Variants in UBA2 observed in about 807,000 individuals in gnomAD.
UBA2 encodes the protein SUMO-activating enzyme subunit 2.
Under a neutral mutation model 77.2 loss-of-function variants are expected in UBA2, and 11 were observed. The observed-to-expected ratio is 0.14, with a 90% CI of 0.09 to 0.24. The LOEUF (loss-of-function observed/expected upper bound fraction) is 0.24, where lower values mean the gene tolerates loss of function less well. Among genes scored for constraint, UBA2 ranks in the 10% least tolerant of loss-of-function variants. The pLI, the probability that UBA2 is intolerant of heterozygous loss-of-function variation, is 1.00. For missense variants in UBA2, 487 were observed against 781.7 expected (o/e 0.62, Z 4.50); for synonymous variants, 278 against 276.7 (o/e 1.00, Z -0.05).
chr19:34,436,131 A>C (rs1278791375), intron 5 of UBA2, among the ~76,000 whole-genome samples: 2 of 145,230 alleles, frequency 1.4e-5, no homozygotes, highest in Non-Finnish European at 3.1e-5. Flanking sequence ...AAAAAAAAAA[A>C]CCAAAAAATT....
chr19:34,436,886 G>T (rs575102584), intron 5 of UBA2, among the ~76,000 whole-genome samples: 14 of 152,264 alleles, frequency 9.2e-5, no homozygotes, highest in African/African-American at 3.4e-4. Flanking sequence ...GTGTATGTCA[G>T]TGCGTATTAA....
chr19:34,432,703 G>A (rs2075269002), intron 3 of UBA2, among the ~76,000 whole-genome samples: 1 of 152,064 alleles, frequency 6.6e-6, no homozygotes, highest in Non-Finnish European at 1.5e-5. Flanking sequence ...GATTACAGGC[G>A]CACGCCACCA....
At chr19:34,434,367 C>A (rs2075287446) in intron 4 of UBA2, among the ~76,000 whole-genome samples, 1 of 152,208 alleles carries the variant, frequency 6.6e-6, no homozygotes, top group Non-Finnish European at 1.5e-5. Context: ...CCTCCCACCT[C>A]AGCCTCCCAG....
rs2075717738 is a variant in UBA2 at position 34,469,312 on chromosome 19, T to C, written c.*91T>C. The C allele has an allele frequency of 8.3e-6, 10 of 1,209,944 alleles. 1 individual carries two copies. The South Asian group carries it at 1.9e-4, about 23-fold the overall frequency. The allele number at this position is 1,209,944 out of a possible 1,614,324, so 75.0% of individuals were successfully genotyped here. ...GTCCTTTGTTCCAAAGGGAAAAAAT[T>C]GACAGCAGTGACTTGAAAATGATTC... On this transcript the variant is annotated 3_prime_UTR_variant, in exon 17 of 17. Coordinates refer to ENST00000246548, the MANE Select transcript of UBA2 (RefSeq NM_005499.3).
intron 8 of UBA2, among the ~76,000 whole-genome samples, chr19:34,446,541 C>G (rs1489515906): frequency 6.6e-6 from 1 of 151,876 alleles, no homozygotes; most frequent in Non-Finnish European, 1.5e-5. Flanking sequence ...ACATACTGCT[C>G]TCCCCAGCTT....
chr19:34,444,232 A>G (rs910677571), intron 7 of UBA2, among the ~76,000 whole-genome samples: 4 of 151,618 alleles, frequency 2.6e-5, no homozygotes, highest in African/African-American at 7.3e-5. Flanking sequence ...TAATTTTTGT[A>G]TATTTAGTAG....
intron 6 of UBA2, among the ~76,000 whole-genome samples, chr19:34,441,914 G>T (rs2075374024): frequency 7.1e-6 from 1 of 140,058 alleles, no homozygotes; most frequent in Non-Finnish European, 1.6e-5. Flanking sequence ...GAGCGAGACT[G>T]TGTCTCAGAA....
intron 12 of UBA2, among the ~76,000 whole-genome samples, chr19:34,455,892 G>A (rs34620023): frequency 1.3e-5 from 2 of 151,588 alleles, no homozygotes; most frequent in African/African-American, 2.4e-5. Context: ...CGCCCACCTC[G>A]GCCTCCCAAA....
Position 34,450,254 on chromosome 19 carries a change from T to G in UBA2, c.772-11T>G. On this transcript the variant is annotated splice_polypyrimidine_tract_variant and intron_variant, in intron 8 of 16. Transcript: ENST00000246548. ...TTATGGGGTTCATGGGATCTGTCTTTCTTTTGTAAGCTTTTTAAAGATGAC... is the reference window on the plus strand; with the variant it reads ...TTATGGGGTTCATGGGATCTGTCTTGCTTTTGTAAGCTTTTTAAAGATGAC... The G allele has an allele frequency of 6.3e-7, 1 of 1,598,844 alleles. No individual in the cohort carries two copies. Among genetic ancestry groups the G allele is most frequent in the South Asian group, 1.1e-5 (1 of 89,252 alleles).
intron 14 of UBA2, 118 bp from the exon 15 acceptor site, chr19:34,463,895 GGGTTTCAACCTTT>G (rs2075659490): frequency 1.5e-6 from 1 of 646,386 alleles, no homozygotes; most frequent in African/African-American, 1.8e-5. Flanking sequence ...CTGGGGATTA[GGGTTTCAACCTTT>G]GGATTTTGGT....
At chr19:34,450,829 A>G (rs1274348815) in intron 9 of UBA2, among the ~76,000 whole-genome samples, 4 of 146,026 alleles carry the variant, frequency 2.7e-5, no homozygotes, top group African/African-American at 1.0e-4. Context: ...GCTCACCGCA[A>G]CCTGGGTTCA....
intron 8 of UBA2, among the ~76,000 whole-genome samples, chr19:34,446,443 G>C (rs922001641): frequency 6.6e-6 from 1 of 151,932 alleles, no homozygotes; most frequent in South Asian, 2.1e-4. Context: ...CAGGATTTTC[G>C]TCTCTGTCCT....
At chr19:34,468,997 C>G in intron 16 of UBA2, 43 bp from the exon 17 acceptor site, 1 of 1,531,478 alleles carries the variant, frequency 6.5e-7, no homozygotes. Context: ...AGGTAACTCC[C>G]ACGCTTTTAC....
chr19:34,466,632 G>A (rs2075690943), intron 15 of UBA2, among the ~76,000 whole-genome samples: 1 of 151,926 alleles, frequency 6.6e-6, no homozygotes, highest in Non-Finnish European at 1.5e-5. Flanking sequence ...GTTGGCTCAC[G>A]CCTGTAATCC....
At chr19:34,456,103 T>TC (rs2075558353) in intron 12 of UBA2, among the ~76,000 whole-genome samples, 2 of 94,932 alleles carry the variant, frequency 2.1e-5, no homozygotes, top group Admixed American at 2.6e-4. Context: ...TCCTTTTCTT[T>TC]TTCTTTTTTT....
chr19:34,435,270 C>T (rs1393869077), intron 5 of UBA2, among the ~76,000 whole-genome samples: 3 of 152,058 alleles, frequency 2.0e-5, no homozygotes, highest in South Asian at 2.1e-4. Context: ...TGGTGGCCGG[C>T]GCCTGTAATC....
Position 34,430,740 on chromosome 19 carries a change from G to A in UBA2, c.222+81G>A, listed in dbSNP as rs570393893. Reference sequence around the variant, plus strand: ...CCAGATTAATCCTGCCTGTCATATAGGAGGGAAAAAATGGGTGAAGCTCTC... The same window carrying A: ...CCAGATTAATCCTGCCTGTCATATAAGAGGGAAAAAATGGGTGAAGCTCTC... On this transcript the variant is annotated intron_variant, in intron 2 of 16. Coordinates refer to ENST00000246548, the MANE Select transcript of UBA2 (RefSeq NM_005499.3). The A allele has an allele frequency of 3.8e-5, 42 of 1,118,988 alleles. No individual in the cohort carries two copies. In the African/African-American group the frequency reaches 4.9e-4, roughly 13 times the overall value. 69.3% of individuals were successfully genotyped at this position (1,118,988 alleles called of 1,614,324 possible). A position where few individuals can be genotyped will look rare whatever the true frequency, so the allele number is the denominator to read the frequency against.
At chr19:34,428,754 C>G in intron 1 of UBA2, 184 bp downstream of exon 1, 1 of 1,128,242 alleles carries the variant, frequency 8.9e-7, no homozygotes, top group Non-Finnish European at 1.1e-6. Context: ...TCTTTGGGCA[C>G]GGGGCGGGCC....
chr19:34,438,444 C>T (rs1403099638), intron 5 of UBA2, among the ~76,000 whole-genome samples: 1 of 152,142 alleles, frequency 6.6e-6, no homozygotes, highest in Non-Finnish European at 1.5e-5. Flanking sequence ...CCTGGCACAG[C>T]CTTAGCTATG....
Sources: gnomAD v4.1 joint callset for allele counts (sites outside exome capture counted in the v4.1 genomes callset) on GRCh38, gnomAD v4.1.1 for gene constraint, MANE v1.5 for transcripts, NCBI Gene and HGNC (gene_info 2026-07-23, HGNC 2026-07-21) for gene names.